The following PRKAR1A variants were observed in gnomAD, a reference collection of about 807,000 sequenced individuals.
PRKAR1A encodes protein kinase cAMP-dependent type I regulatory subunit alpha.
A neutral mutation model predicts 52.0 loss-of-function variants in PRKAR1A; 3 were observed. That is an observed-to-expected ratio of 0.06 (90% CI 0.03 to 0.15). The LOEUF is 0.15. Ranked by LOEUF, PRKAR1A falls within the 10% of genes least tolerant of loss-of-function variation. PRKAR1A has a pLI of 1.00. For synonymous variants in PRKAR1A, 188 were observed against 168.4 expected, an observed-to-expected ratio of 1.12 and a Z score of -0.90; for missense variants, 240 against 477.4, an observed-to-expected ratio of 0.50 and a Z score of 4.63.
chr17:68,451,174 T>C, the PRKAR1A span, among the ~76,000 whole-genome samples: 1 of 152,238 alleles, frequency 6.6e-6, no homozygotes, highest in Admixed American at 6.5e-5. Context: ...TCACGCCTAG[T>C]AATCCCAGCA....
chr17:68,420,195 C>T, the PRKAR1A span: 29 of 1,613,642 alleles, frequency 1.8e-5, no homozygotes, highest in East Asian at 6.5e-4. Context: ...CTAGGTGGAG[C>T]CAGGGCGTGT....
At chr17:68,420,692 C>T in the PRKAR1A span, 13 of 565,446 alleles carry the variant, frequency 2.3e-5, no homozygotes, top group South Asian at 4.6e-5. Context: ...GGGAAGCACA[C>T]GGGCTTTGGA....
At chr17:68,481,730 T>C in the PRKAR1A span, among the ~76,000 whole-genome samples, 1 of 152,218 alleles carries the variant, frequency 6.6e-6, no homozygotes, top group Non-Finnish European at 1.5e-5. Flanking sequence ...CAGCCATTCA[T>C]TCATTTTTTT....
chr17:68,487,430 A>G, the PRKAR1A span, among the ~76,000 whole-genome samples: 1 of 152,208 alleles, frequency 6.6e-6, no homozygotes, highest in South Asian at 2.1e-4. Flanking sequence ...ATATAGTTAT[A>G]ACTTAAGCCA....
intron 2 of PRKAR1A, among the ~76,000 whole-genome samples, chr17:68,520,579 G>A (rs1479105536): frequency 1.3e-5 from 2 of 152,156 alleles, no homozygotes; most frequent in East Asian, 3.8e-4. Context: ...CTCACTTAAA[G>A]AGCTGAGGAG....
At chr17:68,431,617 T>C in the PRKAR1A span, among the ~76,000 whole-genome samples, 1 of 102,894 alleles carries the variant, frequency 9.7e-6, no homozygotes, top group Non-Finnish European at 2.0e-5. Context: ...CTGGTATTGG[T>C]TGAAAGAGAC....
the PRKAR1A span, among the ~76,000 whole-genome samples, chr17:68,439,673 T>C: frequency 2.6e-5 from 4 of 152,266 alleles, no homozygotes; most frequent in African/African-American, 9.6e-5. Context: ...AAGGCATGTT[T>C]CAGGAATATT....
chr17:68,431,990 C>T, the PRKAR1A span, among the ~76,000 whole-genome samples: 2 of 152,146 alleles, frequency 1.3e-5, no homozygotes, highest in South Asian at 2.1e-4. Context: ...CCCATGACAA[C>T]AGATGATGAA....
At chr17:68,426,251 G>GGGGGGGGGGGGGGT in the PRKAR1A span, 1 of 825,460 alleles carries the variant, frequency 1.2e-6, no homozygotes, top group Non-Finnish European at 1.9e-6. Flanking sequence ...GTGGGGAGCG[G>GGGGGGGGGGGGGGT]GGGCTCAAAT....
At chr17:68,523,019 A>G (rs1275146903) in intron 3 of PRKAR1A, 93 bp downstream of exon 3, 8 of 1,463,264 alleles carry the variant, frequency 5.5e-6, no homozygotes, top group Non-Finnish European at 7.5e-6. Context: ...AAAATACAAA[A>G]CAGGGTGGAA....
intron 2 of PRKAR1A, among the ~76,000 whole-genome samples, chr17:68,520,030 A>G (rs1327312400): frequency 2.0e-5 from 3 of 152,238 alleles, no homozygotes; most frequent in Non-Finnish European, 4.4e-5. Flanking sequence ...AGTCATGTGC[A>G]GTTCTTCTGG....
At chr17:68,434,748 G>A in the PRKAR1A span, 90,302 of 910,482 alleles carry the variant, frequency 0.099, 5,462 homozygotes, top group South Asian at 0.19. Flanking sequence ...AGAACACCAC[G>A]TTGAGCATAG....
At chr17:68,431,389 G>A in the PRKAR1A span, among the ~76,000 whole-genome samples, 5 of 152,150 alleles carry the variant, frequency 3.3e-5, 1 homozygote, top group East Asian at 7.7e-4. Flanking sequence ...GGCACGTGGC[G>A]CATACTGTTT....
the PRKAR1A span, among the ~76,000 whole-genome samples, chr17:68,504,431 C>A: frequency 6.6e-6 from 1 of 152,196 alleles, no homozygotes; most frequent in African/African-American, 2.4e-5. Context: ...CGTGCCACTG[C>A]ACTCCAGCCT....
At chr17:68,442,813 C>T in the PRKAR1A span, among the ~76,000 whole-genome samples, 6 of 152,180 alleles carry the variant, frequency 3.9e-5, no homozygotes, top group African/African-American at 1.2e-4. Context: ...AGGCTGCTGG[C>T]GCACCTGTCT....
At chr17:68,434,372 C>T in the PRKAR1A span, among the ~76,000 whole-genome samples, 2 of 152,204 alleles carry the variant, frequency 1.3e-5, no homozygotes, top group South Asian at 2.1e-4. Flanking sequence ...AACAGCATCT[C>T]GGCTTTCAGT....
Position 68,515,697 on chromosome 17 carries a change from A to G in PRKAR1A, c.177+121A>G, listed in dbSNP as rs2085411629. On this transcript the variant is annotated intron_variant, in intron 2 of 10. Transcript: ENST00000589228. ...AATCTGACTAAATAAAAAGTCTAAA[A>G]CAATTTCAAATAAGAAATACAGTTA... 6 of 1,215,688 alleles carry G rather than the reference A, an allele frequency of 4.9e-6. No homozygotes were observed. In the Admixed American group the frequency reaches 6.6e-5, roughly 13 times the overall value. 75.3% of individuals were successfully genotyped at this position (1,215,688 alleles called of 1,614,324 possible). A position where few individuals can be genotyped will look rare whatever the true frequency, so the allele number is the denominator to read the frequency against.
the PRKAR1A span, among the ~76,000 whole-genome samples, chr17:68,498,582 G>C: frequency 1.3e-5 from 2 of 152,280 alleles, no homozygotes; most frequent in South Asian, 2.1e-4. Context: ...TCCTGCCTTT[G>C]AGAAATAGCC....
intron 1 of PRKAR1A, 137 bp downstream of exon 1, chr17:68,512,685 G>C: frequency 6.6e-6 from 1 of 151,370 alleles, no homozygotes; most frequent in African/African-American, 2.4e-5. Context: ...GCCCCTCCCC[G>C]GCCCGGCGGG....
Sources: gnomAD v4.1 joint callset for allele counts (sites outside exome capture counted in the v4.1 genomes callset) on GRCh38, gnomAD v4.1.1 for gene constraint, MANE v1.5 for transcripts, NCBI Gene and HGNC (gene_info 2026-07-23, HGNC 2026-07-21) for gene names.